The following FUT8 variants were observed in gnomAD, a reference collection of about 807,000 sequenced individuals.
FUT8 encodes the protein fucosyltransferase 8.
Under a neutral mutation model 71.3 loss-of-function variants are expected in FUT8, and 29 were observed. That is an observed-to-expected ratio of 0.41 (90% confidence interval 0.30 to 0.55). The LOEUF is 0.55. Ranked by LOEUF, FUT8 falls within the 20% of genes least tolerant of loss-of-function variation. The pLI is 0.34. For synonymous variants in FUT8, 254 were observed against 239.3 expected, an observed-to-expected ratio of 1.06 and a Z score of -0.57; for missense variants, 544 against 702.1, an observed-to-expected ratio of 0.77 and a Z score of 2.55.
At chr14:65,423,388 A>C (rs1008385462) in intron 1 of FUT8, among the ~76,000 whole-genome samples, 2 of 151,348 alleles carry the variant, frequency 1.3e-5, no homozygotes, top group Non-Finnish European at 2.9e-5. Context: ...CAGCCCCCTG[A>C]ATAGCTGGGA....
intron 2 of FUT8, among the ~76,000 whole-genome samples, chr14:65,482,280 C>T (rs974096228): frequency 2.0e-5 from 3 of 151,556 alleles, no homozygotes; most frequent in African/African-American, 7.3e-5. Context: ...ACTGTATACG[C>T]GTGGGTTTAT....
the FUT8 span, among the ~76,000 whole-genome samples, chr14:65,374,903 A>C: frequency 6.6e-6 from 1 of 151,896 alleles, no homozygotes; most frequent in African/African-American, 2.4e-5. Flanking sequence ...CTGGCTTACC[A>C]AGGGTGAGTT....
intron 3 of FUT8, among the ~76,000 whole-genome samples, chr14:65,568,801 A>G (rs1886330609): frequency 6.6e-6 from 1 of 151,026 alleles, no homozygotes; most frequent in African/African-American, 2.4e-5. Context: ...ATTTTTATAA[A>G]CACTCATATT....
At chr14:65,626,007 A>G (rs1198792245) in intron 5 of FUT8, among the ~76,000 whole-genome samples, 2 of 152,152 alleles carry the variant, frequency 1.3e-5, no homozygotes, top group African/African-American at 4.8e-5. Context: ...ATATTTCACC[A>G]TCTCTTAAGT....
At chr14:65,601,222 A>G (rs1888272796) in intron 3 of FUT8, among the ~76,000 whole-genome samples, 1 of 152,218 alleles carries the variant, frequency 6.6e-6, no homozygotes, top group Admixed American at 6.5e-5. Flanking sequence ...ATGTATAGTC[A>G]TTAGAAGCTG....
intron 2 of FUT8, 38 bp downstream of exon 2, chr14:65,455,756 T>G: frequency 1.3e-5 from 5 of 397,880 alleles, no homozygotes; most frequent in Middle Eastern, 6.3e-4. Context: ...CCTGTTCTAA[T>G]TATATGTTAA....
At chr14:65,373,564 T>C in the FUT8 span, among the ~76,000 whole-genome samples, 1 of 151,916 alleles carries the variant, frequency 6.6e-6, no homozygotes, top group South Asian at 2.1e-4. Flanking sequence ...AGCCCAAAAG[T>C]GCTCGCCCCG....
At chr14:65,608,872 G>A (rs965831661) in intron 3 of FUT8, among the ~76,000 whole-genome samples, 17 of 151,848 alleles carry the variant, frequency 1.1e-4, no homozygotes, top group African/African-American at 3.4e-4. Flanking sequence ...TGCTTAATTC[G>A]CCTTTTTGTC....
At chr14:65,416,768 ATTTTTT>A (rs763100202) in intron 1 of FUT8, among the ~76,000 whole-genome samples, 5 of 129,250 alleles carry the variant, frequency 3.9e-5, no homozygotes, top group African/African-American at 1.2e-4. Context: ...ATTTTCTTTA[ATTTTTT>A]TTTTTTTTTT....
chr14:65,432,800 C>T (rs1016936882), intron 1 of FUT8, among the ~76,000 whole-genome samples: 1 of 152,112 alleles, frequency 6.6e-6, no homozygotes, highest in African/African-American at 2.4e-5. Context: ...CAGGAAGTTA[C>T]CCTGTATGGT....
chr14:65,390,481 T>G, the FUT8 span, among the ~76,000 whole-genome samples: 364 of 152,050 alleles, frequency 2.4e-3, 2 homozygotes, highest in African/African-American at 8.0e-3. Context: ...TTTGAATTTT[T>G]TATCATGTGC....
intron 2 of FUT8, among the ~76,000 whole-genome samples, chr14:65,548,019 G>C (rs2139990778): frequency 6.6e-6 from 1 of 151,994 alleles, no homozygotes; most frequent in Non-Finnish European, 1.5e-5. Flanking sequence ...TCAGTTGTTT[G>C]TTTTTATGAC....
chr14:65,645,277 G>A (rs2140307317), intron 6 of FUT8, among the ~76,000 whole-genome samples: 1 of 152,274 alleles, frequency 6.6e-6, no homozygotes, highest in East Asian at 1.9e-4. Flanking sequence ...GCTGACAAAT[G>A]CCACAAATAC....
chr14:65,469,126 G>T (rs1038235163), intron 2 of FUT8, among the ~76,000 whole-genome samples: 3 of 152,122 alleles, frequency 2.0e-5, no homozygotes, highest in African/African-American at 4.8e-5. Context: ...GCTACAGTGC[G>T]CTGTGAATCA....
chr14:65,629,638 T>C, intron 6 of FUT8, 32 bp downstream of exon 6: 1 of 1,445,554 alleles, frequency 6.9e-7, no homozygotes, highest in African/African-American at 1.4e-5. Flanking sequence ...TAAATTTGAG[T>C]GAAAAAAAGA....
chr14:65,733,445 T>A, intron 10 of FUT8, 64 bp downstream of exon 10: 1 of 1,237,790 alleles, frequency 8.1e-7, no homozygotes, highest in Non-Finnish European at 1.1e-6. Context: ...GTCAGAAAAA[T>A]TATTTGTGTG....
chr14:65,731,350 C>G (rs1312462116), intron 9 of FUT8, among the ~76,000 whole-genome samples: 1 of 152,130 alleles, frequency 6.6e-6, no homozygotes, highest in African/African-American at 2.4e-5. Context: ...TAACTGCAAG[C>G]TAGTCCTTTG....
Position 65,742,424 on chromosome 14 carries a change from G to C in FUT8, c.*14G>C. 6.2e-7 allele frequency: 1 copy of C among 1,603,518 alleles called. No individual in the cohort carries two copies. The stretch of plus-strand genomic sequence containing the variant: ...GCTGAGAAATAAAGCTCAGATGGAA[G>C]AGATAAACGACCAAACTCAGTTCGA... On this transcript the variant is annotated 3_prime_UTR_variant, in exon 11 of 11. Coordinates refer to ENST00000673929, the MANE Select transcript of FUT8 (RefSeq NM_001371533.1).
the FUT8 span, among the ~76,000 whole-genome samples, chr14:65,385,437 T>C: frequency 6.6e-6 from 1 of 152,208 alleles, no homozygotes; most frequent in Admixed American, 6.5e-5. Flanking sequence ...TTAACATGTT[T>C]TGCATATAGA....
Sources: gnomAD v4.1 joint callset for allele counts (sites outside exome capture counted in the v4.1 genomes callset) on GRCh38, gnomAD v4.1.1 for gene constraint, MANE v1.5 for transcripts, NCBI Gene and HGNC (gene_info 2026-07-23, HGNC 2026-07-21) for gene names.